UGP2: variants seen among roughly 807,000 people sequenced by gnomAD.
UGP2 encodes the protein UDP-glucose pyrophosphorylase 2.
UGP2 carries 40 observed loss-of-function variants against 49.0 expected under a neutral mutation model. The ratio of observed to expected loss-of-function variants is 0.82; its 90% CI spans 0.63 to 1.06. The LOEUF is 1.06. Ranked by LOEUF, UGP2 falls within the 50% of genes least tolerant of loss-of-function variation. The pLI is 0.00. For synonymous variants in UGP2, 225 were observed against 213.0 expected, an observed-to-expected ratio of 1.06 and a Z score of -0.49; for missense variants, 460 against 603.5, an observed-to-expected ratio of 0.76 and a Z score of 2.49.
chr2:63,870,079 TG>T (rs1239527690), intron 3 of UGP2, among the ~76,000 whole-genome samples: 5 of 152,040 alleles, frequency 3.3e-5, no homozygotes, highest in African/African-American at 1.2e-4. Context: ...CCGGCCACCA[TG>T]CCTGGCTAAT....
In UGP2 at chr2:63,890,121, T is replaced by A; in HGVS notation, c.1355T>A (p.Met452Lys). Residue 452 changes from methionine to lysine, a missense_variant, in exon 9 of 10, where the codon ATG becomes AAG. By Grantham distance (95) the Met-to-Lys change is moderately conservative. This residue lies in a region of UGP2 where 317 missense variants were observed against 473.0 expected (regional missense o/e 0.67). Transcript: ENST00000337130. ...AGAAGATTTGAAAGTATACCAGATA[T>A]GCTTGAATTGGATCACCTCACAGTT... ...YLRRFESIPD[M>K]LELDHLTVSG... 1 of 1,612,550 alleles carries A rather than the reference T, an allele frequency of 6.2e-7. No homozygotes were observed. The highest frequency in any genetic ancestry group is 8.5e-7 in the Non-Finnish European group (1 of 1,179,512).
At chr2:63,858,571 G>A (rs1669611555) in intron 3 of UGP2, among the ~76,000 whole-genome samples, 2 of 151,416 alleles carry the variant, frequency 1.3e-5, no homozygotes, top group South Asian at 4.2e-4. Context: ...TGTTCTCTCT[G>A]AGGAGCCTCT....
chr2:63,882,773 A>G lies in UGP2; in HGVS notation c.441+122A>G, dbSNP rs1024182850. ...CTAACCAAAGAGCCTGCTATCTTTA[A>G]TCTCTTTATTGGTGGAAAAAAGGTT... On this transcript the variant is annotated intron_variant, in intron 4 of 9. Coordinates refer to ENST00000337130, the MANE Select transcript of UGP2 (RefSeq NM_006759.4). 5 of 1,106,176 alleles carry G rather than the reference A, an allele frequency of 4.5e-6. No individual in the cohort carries two copies. In the African/African-American group the frequency reaches 6.3e-5, roughly 14 times the overall value. 68.5% of individuals were successfully genotyped at this position (1,106,176 alleles called of 1,614,324 possible).
intron 9 of UGP2, 68 bp from the exon 10 acceptor site, chr2:63,891,052 G>T: frequency 1.1e-5 from 14 of 1,250,848 alleles, no homozygotes; most frequent in South Asian, 7.5e-5. Flanking sequence ...ACATAAACTT[G>T]ATCACTGTAA....
chr2:63,883,993 CTT>C lies in UGP2; in HGVS notation c.476_477del (p.Leu159ArgfsTer7), dbSNP rs1386646331. The C allele has an allele frequency of 3.7e-6, 6 of 1,612,578 alleles. No individual in the cohort carries two copies. Among genetic ancestry groups the C allele is most frequent in the African/African-American group, 1.3e-5 (1 of 74,970 alleles). On this transcript the variant is annotated frameshift_variant, in exon 5 of 10. Transcript: ENST00000337130. LOFTEE classifies it high-confidence loss of function. ...TAAAACCTACAATACAGATGTTCCT[CTT>C]GTTTTAATGAACTCTTTTAACACGG... is the stretch of plus-strand genomic sequence containing the variant. Reference protein sequence around the residue: ...LNKTYNTDVPLVLMNSFNTDE... With the variant: ...LNKTYNTDVPXVLMNSFNTDE...
intron 3 of UGP2, among the ~76,000 whole-genome samples, chr2:63,861,522 A>AG (rs1373565544): frequency 1.4e-5 from 2 of 146,026 alleles, no homozygotes; most frequent in Non-Finnish European, 3.1e-5. Context: ...TCACCTCTAC[A>AG]AATTTTTTTT....
intron 3 of UGP2, chr2:63,862,793 G>A (rs181492202): frequency 1.5e-5 from 7 of 455,702 alleles, no homozygotes; most frequent in African/African-American, 4.0e-5. Flanking sequence ...AGAAAGTATG[G>A]TGTTAAAGAA....
intron 1 of UGP2, chr2:63,842,542 C>T (rs1198285094): frequency 2.6e-6 from 4 of 1,522,084 alleles, no homozygotes; most frequent in East Asian, 2.5e-5. Flanking sequence ...TGTCAAGGTA[C>T]CTGTGCGTGC....
At chr2:63,886,594 A>C in intron 7 of UGP2, 56 bp downstream of exon 7, 1 of 1,591,252 alleles carries the variant, frequency 6.3e-7, no homozygotes, top group Non-Finnish European at 8.6e-7. Context: ...ATAGTAGGCT[A>C]CACACAGACC....
intron 3 of UGP2, among the ~76,000 whole-genome samples, chr2:63,860,525 C>CT (rs1419494383): frequency 1.3e-5 from 2 of 152,140 alleles, no homozygotes; most frequent in Non-Finnish European, 2.9e-5. Flanking sequence ...TTCTTTATTT[C>CT]TTTGGCCCTC....
At chr2:63,870,366 G>C (rs1401258156) in intron 3 of UGP2, among the ~76,000 whole-genome samples, 1 of 152,138 alleles carries the variant, frequency 6.6e-6, no homozygotes, top group Non-Finnish European at 1.5e-5. Flanking sequence ...TGCTTTTCCG[G>C]GCTTGTGATA....
chr2:63,873,224 A>G (rs1266774964), intron 3 of UGP2, among the ~76,000 whole-genome samples: 2 of 152,242 alleles, frequency 1.3e-5, no homozygotes, highest in South Asian at 4.1e-4. Flanking sequence ...CATCAAAAAG[A>G]AAAGTCAAAA....
intron 2 of UGP2, chr2:63,857,022 A>G (rs565937864): frequency 2.3e-4 from 83 of 359,278 alleles, no homozygotes; most frequent in African/African-American, 1.6e-3. Flanking sequence ...TGTAGCGGCC[A>G]GGCGCAGTGG....
intron 2 of UGP2, chr2:63,857,520 A>G (rs1488857193): frequency 4.5e-6 from 2 of 440,860 alleles, no homozygotes; most frequent in South Asian, 1.7e-5. Flanking sequence ...ACACCACCAC[A>G]TCTGGCTAAT....
intron 3 of UGP2, among the ~76,000 whole-genome samples, chr2:63,862,107 T>G (rs553791901): frequency 1.4e-3 from 207 of 152,228 alleles, no homozygotes; most frequent in Non-Finnish European, 2.6e-3. Context: ...TAGGATGATT[T>G]GCTTTGAGCA....
chr2:63,843,187 C>T (rs566301238), intron 1 of UGP2, among the ~76,000 whole-genome samples: 4 of 152,300 alleles, frequency 2.6e-5, no homozygotes, highest in African/African-American at 7.2e-5. Flanking sequence ...TTCTACATCG[C>T]TTTATTAACT....
At chr2:63,875,293 G>GA (rs532887100) in intron 3 of UGP2, among the ~76,000 whole-genome samples, 4 of 152,074 alleles carry the variant, frequency 2.6e-5, no homozygotes, top group African/African-American at 4.8e-5. Flanking sequence ...TGCTTTTGTT[G>GA]AAAAAAAATT....
intron 3 of UGP2, among the ~76,000 whole-genome samples, chr2:63,874,019 C>T (rs1301227442): frequency 6.6e-6 from 1 of 152,158 alleles, no homozygotes; most frequent in Non-Finnish European, 1.5e-5. Context: ...CAGACCCTGC[C>T]CTTTCACAGA....
At position 63,890,487 on chromosome 2, in the gene UGP2, C is replaced by G. The variant is rs1308425134; in HGVS notation, c.1419+302C>G. On this transcript the variant is annotated intron_variant, in intron 9 of 9. Coordinates refer to ENST00000337130, the MANE Select transcript of UGP2 (RefSeq NM_006759.4). ...ATTATTGTAGTACTCAGGTACTCTT[C>G]AGTGTCATTCCAGCCTCACGTAAGA... 2.6e-5 allele frequency among the ~76,000 whole-genome samples: 4 copies of G among 152,226 alleles called. No homozygotes were observed. The South Asian group carries it at 8.3e-4, about 32-fold the overall frequency.
Sources: gnomAD v4.1 joint callset for allele counts (sites outside exome capture counted in the v4.1 genomes callset) on GRCh38, gnomAD v4.1.1 for gene constraint, gnomAD v4.1.1 regional missense constraint, MANE v1.5 for transcripts, NCBI Gene and HGNC (gene_info 2026-07-23, HGNC 2026-07-21) for gene names.